The following VGLL4 variants were observed in gnomAD, a reference collection of about 807,000 sequenced individuals.
VGLL4 encodes the protein vestigial like family member 4, also known as transcription cofactor vestigial-like protein 4.
Under a neutral mutation model 21.0 loss-of-function variants are expected in VGLL4, and 7 were observed. That is an observed-to-expected ratio of 0.33 (90% CI 0.19 to 0.63). The LOEUF is 0.63. Among genes scored for constraint, VGLL4 ranks in the 20% least tolerant of loss-of-function variants. The pLI, the probability that VGLL4 is intolerant of heterozygous loss-of-function variation, is 0.78. For synonymous variants in VGLL4, 222 were observed against 173.2 expected (o/e 1.28, Z -2.21); for missense variants, 394 against 425.7 (o/e 0.93, Z 0.66).
At chr3:11,700,563 T>C (rs2076667471) in intron 2 of VGLL4, among the ~76,000 whole-genome samples, 1 of 151,932 alleles carries the variant, frequency 6.6e-6, no homozygotes, top group Non-Finnish European at 1.5e-5. Context: ...CTGAGCTAGA[T>C]CCAAGCTGGT....
chr3:11,558,870 GCAGA>G (rs773248083), intron 4 of VGLL4, 43 bp from the exon 5 acceptor site: 24 of 1,599,620 alleles, frequency 1.5e-5, no homozygotes, highest in Non-Finnish European at 1.7e-5. Flanking sequence ...ACAGGTGGCT[GCAGA>G]CAGACAGGCA....
chr3:11,684,037 C>T (rs2076412051), intron 2 of VGLL4, among the ~76,000 whole-genome samples: 1 of 151,946 alleles, frequency 6.6e-6, no homozygotes. Context: ...ATGGTAAAAC[C>T]CCGTCTCTAC....
intron 1 of VGLL4, among the ~76,000 whole-genome samples, chr3:11,632,392 G>T (rs1006744426): frequency 2.0e-5 from 3 of 152,014 alleles, no homozygotes; most frequent in Non-Finnish European, 4.4e-5. Flanking sequence ...GACCCAAGAC[G>T]AACCATTTCA....
At chr3:11,640,068 T>C (rs2075660664) in intron 1 of VGLL4, among the ~76,000 whole-genome samples, 1 of 152,162 alleles carries the variant, frequency 6.6e-6, no homozygotes, top group African/African-American at 2.4e-5. Flanking sequence ...TTAGATGATG[T>C]CTGAGGCCCT....
At chr3:11,611,219 G>A (rs986597157) in intron 1 of VGLL4, among the ~76,000 whole-genome samples, 1 of 152,164 alleles carries the variant, frequency 6.6e-6, no homozygotes, top group African/African-American at 2.4e-5. Flanking sequence ...CCAAACCCCA[G>A]TACTGCAGAG....
chr3:11,640,701 G>A (rs1352294039), intron 1 of VGLL4, among the ~76,000 whole-genome samples: 3 of 152,196 alleles, frequency 2.0e-5, no homozygotes, highest in Non-Finnish European at 2.9e-5. Context: ...CCAGGAAGCA[G>A]TTACCAAGGA....
chr3:11,619,945 C>T (rs930528874), intron 1 of VGLL4, among the ~76,000 whole-genome samples: 3 of 152,160 alleles, frequency 2.0e-5, no homozygotes, highest in African/African-American at 4.8e-5. Flanking sequence ...TCTGGTCACA[C>T]TGGAGACTTT....
chr3:11,670,897 T>C (rs1195204619), intron 2 of VGLL4, among the ~76,000 whole-genome samples: 1 of 151,958 alleles, frequency 6.6e-6, no homozygotes, highest in Non-Finnish European at 1.5e-5. Flanking sequence ...ATTAGCAAGG[T>C]GTGGTGGCGC....
At chr3:11,683,367 A>G (rs1268855214) in intron 2 of VGLL4, among the ~76,000 whole-genome samples, 2 of 152,244 alleles carry the variant, frequency 1.3e-5, no homozygotes, top group Non-Finnish European at 2.9e-5. Context: ...TATGGAAAGC[A>G]GTATAGAGAT....
At chr3:11,610,759 T>C (rs1006827436) in intron 1 of VGLL4, 1 of 152,252 alleles carries the variant, frequency 6.6e-6, no homozygotes, top group Admixed American at 6.5e-5. Context: ...GCATATGCCA[T>C]CTTCACTAGA....
At chr3:11,606,096 A>G (rs1412174473) in intron 1 of VGLL4, among the ~76,000 whole-genome samples, 1 of 152,208 alleles carries the variant, frequency 6.6e-6, no homozygotes, top group African/African-American at 2.4e-5. Flanking sequence ...ATCACGGAGG[A>G]AGCCGAAAGG....
intron 2 of VGLL4, among the ~76,000 whole-genome samples, chr3:11,675,825 A>G (rs2076281263): frequency 6.6e-6 from 1 of 152,266 alleles, no homozygotes; most frequent in African/African-American, 2.4e-5. Context: ...TCAGTAAAAC[A>G]AACTGTTCAG....
intron 2 of VGLL4, among the ~76,000 whole-genome samples, chr3:11,678,115 G>A (rs775592821): frequency 1.6e-4 from 24 of 151,708 alleles, no homozygotes; most frequent in Admixed American, 4.6e-4. Flanking sequence ...GTGCAGTAGC[G>A]CCATCTCAGC....
At position 11,573,323 on chromosome 3, in the gene VGLL4, GAAA is replaced by G. The variant is rs2073913425; in HGVS notation, c.273-8307_273-8305del. Reference sequence around the variant, plus strand: ...AGAAAGAAAGGAAGGAAGGAAGAAAGAAAGAAAGAAAGAAAGAAAGAAAGAAAG... The same window carrying G: ...AGAAAGAAAGGAAGGAAGGAAGAAAGGAAAGAAAGAAAGAAAGAAAGAAAG... On this transcript the variant is annotated intron_variant, in intron 2 of 4. Coordinates refer to ENST00000430365, the MANE Select transcript of VGLL4 (RefSeq NM_001128219.3). 6.7e-4 allele frequency among the ~76,000 whole-genome samples: 23 copies of G among 34,450 alleles called. 2 individuals carry two copies. In the East Asian group the frequency reaches 0.018, roughly 27 times the overall value. 22.6% of individuals were successfully genotyped at this position (34,450 alleles called of 152,430 possible).
Position 11,718,040 on chromosome 3 carries a change from T to G in VGLL4, c.-14+2354A>C, listed in dbSNP as rs552165193. Among the ~76,000 whole-genome samples, 8 of 152,360 alleles carry G rather than the reference T, an allele frequency of 5.3e-5. No individual in the cohort carries two copies. The South Asian group carries it at 1.7e-3, about 32-fold the overall frequency. ...TTGGAATGTAGTCCATAGTTATTTATAGCAGAATTATCTTCTTAATTGTAT... is the reference window on the plus strand; with the variant it reads ...TTGGAATGTAGTCCATAGTTATTTAGAGCAGAATTATCTTCTTAATTGTAT... On this transcript the variant is annotated intron_variant, in intron 1 of 5. Transcript: ENST00000273038.
chr3:11,664,749 C>T (rs1477284167), intron 2 of VGLL4, among the ~76,000 whole-genome samples: 1 of 152,052 alleles, frequency 6.6e-6, no homozygotes, highest in African/African-American at 2.4e-5. Context: ...CCCTATTTGC[C>T]CTGAATATGG....
At chr3:11,649,699 A>C (rs2075840334) in intron 2 of VGLL4, among the ~76,000 whole-genome samples, 2 of 152,162 alleles carry the variant, frequency 1.3e-5, no homozygotes, top group South Asian at 4.1e-4. Flanking sequence ...TCTGTCTCAA[A>C]GAGCAAAATT....
chr3:11,687,387 T>C lies in VGLL4; in HGVS notation c.64+15584A>G, dbSNP rs1351657910. On this transcript the variant is annotated intron_variant, in intron 2 of 5. Coordinates refer to the VGLL4 transcript ENST00000273038. ...TCTATTTCAGTAGTTTTATGATTTATTCACAAAGGTCTTAACATGTATCTT... is the reference window on the plus strand; with the variant it reads ...TCTATTTCAGTAGTTTTATGATTTACTCACAAAGGTCTTAACATGTATCTT... Among the ~76,000 whole-genome samples, 4 of 152,274 alleles carry C rather than the reference T, an allele frequency of 2.6e-5. No individual in the cohort carries two copies. The East Asian group carries it at 7.7e-4, about 29-fold the overall frequency.
At chr3:11,657,514 A>G (rs574432859) in intron 2 of VGLL4, among the ~76,000 whole-genome samples, 156 of 70,274 alleles carry the variant, frequency 2.2e-3, no homozygotes, top group Non-Finnish European at 3.4e-3. Flanking sequence ...TAACAATTAC[A>G]GGGAACAATG....
Sources: allele counts gnomAD v4.1 joint callset (sites outside exome capture counted in the v4.1 genomes callset), GRCh38; gene constraint gnomAD v4.1.1; transcripts MANE v1.5; gene names NCBI Gene and HGNC (gene_info 2026-07-23, HGNC 2026-07-21).